RTKN: variants seen among roughly 807,000 people sequenced by gnomAD.
RTKN encodes the protein rhotekin.
In RTKN, 49 loss-of-function variants were observed where a neutral mutation model predicts 63.5. The ratio of observed to expected loss-of-function variants is 0.77; its 90% confidence interval spans 0.61 to 0.98. The LOEUF (loss-of-function observed/expected upper bound fraction) is 0.98, where lower values mean the gene tolerates loss of function less well. Ranked by LOEUF, RTKN falls within the 50% of genes least tolerant of loss-of-function variation. The pLI is 0.00. For missense variants in RTKN, 685 were observed against 740.8 expected, an observed-to-expected ratio of 0.92 and a Z score of 0.87; for synonymous variants, 295 against 290.4, an observed-to-expected ratio of 1.02 and a Z score of -0.16.
chr2:74,434,791 A>G lies in RTKN; in HGVS notation c.112-2125T>C, dbSNP rs189471472. ...AAAAAATATTAGATCTTTGGAGTTT[A>G]AAAAAAAATGATCAGGCCCTACCTA... On this transcript the variant is annotated intron_variant, in intron 1 of 11. Transcript: ENST00000272430. Among the ~76,000 whole-genome samples, 10 of 151,706 alleles carry G rather than the reference A, an allele frequency of 6.6e-5. No homozygotes were observed. The East Asian group carries it at 1.4e-3, about 21-fold the overall frequency.
chr2:74,432,027 G>A (rs896391778), intron 2 of RTKN: 29 of 304,162 alleles, frequency 9.5e-5, no homozygotes, highest in African/African-American at 6.4e-4. Flanking sequence ...CTTTCCTTAA[G>A]TGGTTTCTTA....
At chr2:74,429,719 A>G in intron 6 of RTKN, 109 bp downstream of exon 6, 1 of 1,043,896 alleles carries the variant, frequency 9.6e-7, no homozygotes, top group South Asian at 1.5e-5. Context: ...ATCTGTCTGC[A>G]CATCCTGGCA....
At chr2:74,430,116 C>A in intron 5 of RTKN, 79 bp from the exon 6 acceptor site, 1 of 1,547,294 alleles carries the variant, frequency 6.5e-7, no homozygotes, top group Non-Finnish European at 8.9e-7. Flanking sequence ...GAGGCAAGTG[C>A]AGGACAGCTC....
At position 74,441,678 on chromosome 2, in the gene RTKN, G is replaced by A. The variant is rs778970343; in HGVS notation, c.111+28C>T. 134 of 1,552,276 alleles carry A rather than the reference G, an allele frequency of 8.6e-5. No homozygotes were observed. In the Middle Eastern group the frequency reaches 9.4e-4, roughly 11 times the overall value. Reference sequence around the variant, plus strand: ...GGGGCTGCCCCCGGGAGCCGCGGAAGGGGAAGGCAGGGACGCGAGTCTCTC... The same window carrying A: ...GGGGCTGCCCCCGGGAGCCGCGGAAAGGGAAGGCAGGGACGCGAGTCTCTC... On this transcript the variant is annotated intron_variant, in intron 1 of 11. Coordinates refer to ENST00000272430, the MANE Select transcript of RTKN (RefSeq NM_001015055.2).
chr2:74,432,449 C>G lies in RTKN; in HGVS notation c.311+18G>C. The G allele has an allele frequency of 6.2e-7, 1 of 1,604,224 alleles. No individual in the cohort carries two copies. The highest frequency in any genetic ancestry group is 8.5e-7 in the Non-Finnish European group (1 of 1,179,524). ...AGGCCTCCTGCCTCCATCGAGGCCT[C>G]GTCTCCCCCTTGCTCACCGCCGGCT... On this transcript the variant is annotated intron_variant, in intron 2 of 11. Coordinates refer to ENST00000272430, the MANE Select transcript of RTKN (RefSeq NM_001015055.2).
chr2:74,428,196 C>G, intron 9 of RTKN, 72 bp downstream of exon 9: 21 of 1,604,894 alleles, frequency 1.3e-5, no homozygotes, highest in Non-Finnish European at 1.7e-5. Flanking sequence ...TATGTGCCCA[C>G]CCTCCTGGGG....
intron 1 of RTKN, chr2:74,440,063 G>T: frequency 2.1e-6 from 2 of 943,430 alleles, no homozygotes; most frequent in East Asian, 8.0e-5. Flanking sequence ...CAGGGAATCT[G>T]TGTGCGGAGA....
chr2:74,439,733 G>C (rs964815541), intron 1 of RTKN: 6 of 1,542,818 alleles, frequency 3.9e-6, no homozygotes, highest in Middle Eastern at 1.7e-4. Context: ...TCTTTAAAGA[G>C]GTGGCCAGCT....
At chr2:74,433,651 G>A (rs938505330) in intron 1 of RTKN, among the ~76,000 whole-genome samples, 17 of 151,952 alleles carry the variant, frequency 1.1e-4, no homozygotes, top group African/African-American at 3.9e-4. Flanking sequence ...CACCACATCC[G>A]GCTAATTGTT....
At position 74,441,933 on chromosome 2, in the gene RTKN, G is replaced by A. The variant is rs1422074586; in HGVS notation, c.-117C>T. On this transcript the variant is annotated 5_prime_UTR_variant, in exon 1 of 12. Transcript: ENST00000272430. Reference sequence around the variant, plus strand: ...CCGCCAGTCCGGCCGGGAATCTCCCGCTGCGGGGCTCCAAACCCCGCCCCC... The same window carrying A: ...CCGCCAGTCCGGCCGGGAATCTCCCACTGCGGGGCTCCAAACCCCGCCCCC... 4.3e-5 allele frequency: 29 copies of A among 671,876 alleles called. No individual in the cohort carries two copies. In the East Asian group the frequency reaches 7.6e-4, roughly 18 times the overall value. The allele number at this position is 671,876 out of a possible 1,614,324, so 41.6% of individuals were successfully genotyped here.
Position 74,435,468 on chromosome 2 carries a change from G to T in RTKN, c.112-2802C>A, listed in dbSNP as rs530797963. Among the ~76,000 whole-genome samples the T allele has an allele frequency of 3.7e-4, 56 of 152,274 alleles. 1 individual carries two copies. The South Asian group carries it at 0.012, about 32-fold the overall frequency. Reference sequence around the variant, plus strand: ...AGCAGCATTTACTCAGTCAACACTGGAGCATCCCTGTACTGTCCAAGGTTG... The same window carrying T: ...AGCAGCATTTACTCAGTCAACACTGTAGCATCCCTGTACTGTCCAAGGTTG... On this transcript the variant is annotated intron_variant, in intron 1 of 11. Transcript: ENST00000272430.
At chr2:74,437,475 C>G (rs1671123598) in intron 1 of RTKN, among the ~76,000 whole-genome samples, 1 of 152,160 alleles carries the variant, frequency 6.6e-6, no homozygotes, top group African/African-American at 2.4e-5. Context: ...CTAAGCATCT[C>G]CTCTGCCCCA....
intron 6 of RTKN, 31 bp downstream of exon 6, chr2:74,429,797 C>T: frequency 6.3e-7 from 1 of 1,596,888 alleles, no homozygotes; most frequent in Non-Finnish European, 8.6e-7. Context: ...ATACAGGCAG[C>T]TGAGGGTGGT....
At chr2:74,430,108 G>A (rs1305661776) in intron 5 of RTKN, 71 bp from the exon 6 acceptor site, 9 of 1,563,308 alleles carry the variant, frequency 5.8e-6, no homozygotes, top group South Asian at 3.4e-5. Context: ...ATGTGGGTGA[G>A]GCAAGTGCAG....
chr2:74,428,691 A>C lies in RTKN; in HGVS notation c.897T>G (p.Arg299=). The change falls in exon 8 of 12, where the codon CGT becomes CGG. Residue 299 remains arginine (R), a synonymous_variant. Coordinates refer to ENST00000272430, the MANE Select transcript of RTKN (RefSeq NM_001015055.2). The stretch of plus-strand genomic sequence containing the variant: ...TCATGCAGAGAGGCTGAGCTGCCAG[A>C]CGGCAACACACGCTACCATAAAGGG... ...WLPLYGSVCC[R]LAAQPLCMTQ... The C allele has an allele frequency of 6.2e-7, 1 of 1,614,030 alleles. No homozygotes were observed. The highest frequency in any genetic ancestry group is 8.5e-7 in the Non-Finnish European group (1 of 1,179,976).
chr2:74,436,231 G>C lies in RTKN; in HGVS notation c.112-3565C>G, dbSNP rs1671051868. ...CGCTCCATTGCGAGAGGCGCGCAGA[G>C]GCGCGCGAGGTCCAGAGAGCTGCAC... is the stretch of plus-strand genomic sequence containing the variant. On this transcript the variant is annotated intron_variant, in intron 1 of 11. Transcript: ENST00000272430. The surrounding 1 kb of genome is among the most constrained non-coding windows in gnomAD (Gnocchi z 4.3). Among the ~76,000 whole-genome samples the C allele has an allele frequency of 6.6e-6, 1 of 152,254 alleles. No individual in the cohort carries two copies. Among genetic ancestry groups the C allele is most frequent in the South Asian group, 2.1e-4 (1 of 4,836 alleles).
At chr2:74,440,796 A>G (rs1233106798) in intron 1 of RTKN, among the ~76,000 whole-genome samples, 1 of 152,240 alleles carries the variant, frequency 6.6e-6, no homozygotes, top group Non-Finnish European at 1.5e-5. Flanking sequence ...GGTGTGAAAG[A>G]GCCTCTTTGT....
intron 1 of RTKN, among the ~76,000 whole-genome samples, chr2:74,433,010 G>C (rs1670843844): frequency 6.6e-6 from 1 of 152,202 alleles, no homozygotes; most frequent in South Asian, 2.1e-4. Context: ...TTGGGAGGCA[G>C]AGGCAGGCGG....
Position 74,426,479 on chromosome 2 carries a change from A to T in RTKN, c.1456T>A (p.Phe486Ile). 1 of 1,603,648 alleles carries T rather than the reference A, an allele frequency of 6.2e-7. No homozygotes were observed. The highest frequency in any genetic ancestry group is 8.5e-7 in the Non-Finnish European group (1 of 1,173,390). ...LETPPPWLAM[F>I]TDQPALPNPC... is the part of the protein sequence containing the mutation. ...TTAGGCAGGGCAGGCTGGTCTGTAA[A>T]CATTGCCAGCCAGGGTGGGGGTGTC... Residue 486 changes from phenylalanine to isoleucine, a missense_variant, in exon 12 of 12, where the codon TTT becomes ATT. By Grantham distance (21) the Phe-to-Ile change is conservative. Coordinates refer to ENST00000272430, the MANE Select transcript of RTKN (RefSeq NM_001015055.2).
Sources: gnomAD v4.1 joint callset for allele counts (sites outside exome capture counted in the v4.1 genomes callset) on GRCh38, gnomAD v4.1.1 for gene constraint, Gnocchi (gnomAD v3.1) non-coding constraint, MANE v1.5 for transcripts, NCBI Gene and HGNC (gene_info 2026-07-23, HGNC 2026-07-21) for gene names.